The following DNAH5 variants were observed in gnomAD, a reference collection of about 807,000 sequenced individuals.
DNAH5 encodes dynein axonemal heavy chain 5, also known as axonemal beta dynein heavy chain 5.
A neutral mutation model predicts 518.2 loss-of-function variants in DNAH5; 372 were observed. The ratio of observed to expected loss-of-function variants is 0.72; its 90% confidence interval spans 0.66 to 0.78. The LOEUF is 0.78. Among genes scored for constraint, DNAH5 ranks in the 30% least tolerant of loss-of-function variants. The pLI is 0.00. For missense variants in DNAH5, 5,523 were observed against 5,687.0 expected (o/e 0.97, Z 0.93); for synonymous variants, 2,039 against 2,025.9 (o/e 1.01, Z -0.17).
chr5:13,889,276 AGAGG>A (rs1381558508), intron 17 of DNAH5, among the ~76,000 whole-genome samples: 1 of 152,184 alleles, frequency 6.6e-6, no homozygotes, highest in Non-Finnish European at 1.5e-5. Context: ...GTGATTTTTC[AGAGG>A]AAGAGATAGT....
rs1355788220 is a variant in DNAH5 at position 13,723,611 on chromosome 5, G to A, written c.12034-2366C>T. Among the ~76,000 whole-genome samples, 3 of 152,150 alleles carry A rather than the reference G, an allele frequency of 2.0e-5. 1 individual carries two copies. Among genetic ancestry groups the A allele is most frequent in the South Asian group, 4.1e-4 (2 of 4,824 alleles). ...ATCTCTATTGCAACTATTCAACTCCGCCATTGTTGCACAAAAGCAGTCATA... is the reference window on the plus strand; with the variant it reads ...ATCTCTATTGCAACTATTCAACTCCACCATTGTTGCACAAAAGCAGTCATA... On this transcript the variant is annotated intron_variant, in intron 70 of 78. Transcript: ENST00000265104.
At chr5:13,846,436 C>T (rs572278271) in intron 31 of DNAH5, among the ~76,000 whole-genome samples, 1 of 152,232 alleles carries the variant, frequency 6.6e-6, no homozygotes, top group East Asian at 1.9e-4. Context: ...TAGAGGATTA[C>T]TTGGATCAGA....
At position 13,737,161 on chromosome 5, in the gene DNAH5, T is replaced by C. The variant is rs1747610484; in HGVS notation, c.11455+91A>G. 9 of 1,573,472 alleles carry C rather than the reference T, an allele frequency of 5.7e-6. No homozygotes were observed. In the South Asian group the frequency reaches 7.8e-5, roughly 14 times the overall value. On this transcript the variant is annotated intron_variant, in intron 66 of 78. Transcript: ENST00000265104. Reference sequence around the variant, plus strand: ...CACCTCCACTTTGCATAATCATTTGTATAACTCCCTCACATCCTTCCATTT... The same window carrying C: ...CACCTCCACTTTGCATAATCATTTGCATAACTCCCTCACATCCTTCCATTT...
chr5:13,717,628 AC>A, intron 72 of DNAH5, 108 bp from the exon 73 acceptor site: 1 of 982,532 alleles, frequency 1.0e-6, no homozygotes, highest in East Asian at 2.6e-5. Context: ...AAATTCACTT[AC>A]TTTGGATTGT....
chr5:13,968,140 G>A (rs1781649207), intron 1 of DNAH5, among the ~76,000 whole-genome samples: 1 of 152,108 alleles, frequency 6.6e-6, no homozygotes, highest in Admixed American at 6.6e-5. Context: ...GTCACTGTTG[G>A]TGTATAGCAG....
intron 60 of DNAH5, among the ~76,000 whole-genome samples, 193 bp downstream of exon 60, chr5:13,762,529 T>C (rs767397134): frequency 5.3e-5 from 8 of 152,206 alleles, no homozygotes; most frequent in Non-Finnish European, 8.8e-5. Flanking sequence ...GAGGCTCATA[T>C]GGTTCTGATT....
rs1002095666 is a variant in DNAH5, at chr5:13,707,110, G to C, written c.13338+1013C>G. Reference sequence around the variant, plus strand: ...GTTGAGAGGAGTAGAAGCGCAGAAGGGCACACTGACAGACACCAGCATATA... The same window carrying C: ...GTTGAGAGGAGTAGAAGCGCAGAAGCGCACACTGACAGACACCAGCATATA... On this transcript the variant is annotated intron_variant, in intron 76 of 78. Transcript: ENST00000265104. The surrounding 1 kb of genome is among the most constrained non-coding windows in gnomAD (Gnocchi z 4.0). 6.6e-6 allele frequency among the ~76,000 whole-genome samples: 1 copy of C among 152,208 alleles called. No individual in the cohort carries two copies. Among genetic ancestry groups the C allele is most frequent in the Non-Finnish European group, 1.5e-5 (1 of 68,040 alleles).
At chr5:14,010,430 G>C (rs1005669078) in intron 1 of DNAH5, among the ~76,000 whole-genome samples, 4 of 152,050 alleles carry the variant, frequency 2.6e-5, no homozygotes, top group African/African-American at 9.7e-5. Flanking sequence ...TATCCTTAAA[G>C]GGGAAAACTT....
Position 13,700,862 on chromosome 5 carries a change from G to C in DNAH5, c.13501C>G (p.Arg4501Gly). 2.5e-6 allele frequency: 4 copies of C among 1,614,052 alleles called. No homozygotes were observed. Among genetic ancestry groups the C allele is most frequent in the Non-Finnish European group, 3.4e-6 (4 of 1,179,980 alleles). The stretch of plus-strand genomic sequence containing the variant: ...TCCAGAGCCCAGCCTTTGTTGGCCC[G>C]AGTTATTTCCTATTCAGGGCAGCAA... Reference protein sequence around the residue: ...FLTAMRQEITRANKGWALDNM... With the variant: ...FLTAMRQEITGANKGWALDNM... The change falls in exon 78 of 79, where the codon CGG becomes GGG. Residue 4501 changes from arginine (R) to glycine (G), a missense_variant. By Grantham distance (125) the Arg-to-Gly change is moderately radical. This residue lies in a region of DNAH5 where 387 missense variants were observed against 430.0 expected (regional missense o/e 0.90). Transcript: ENST00000265104.
At chr5:13,807,781 G>A in intron 46 of DNAH5, 56 bp from the exon 47 acceptor site, 1 of 1,470,782 alleles carries the variant, frequency 6.8e-7, no homozygotes, top group South Asian at 1.2e-5. Context: ...GTGATGGGCT[G>A]AATTTGTCCC....
chr5:13,799,162 A>G (rs1038639841), intron 47 of DNAH5, among the ~76,000 whole-genome samples: 7 of 152,070 alleles, frequency 4.6e-5, no homozygotes, highest in African/African-American at 1.4e-4. Context: ...TCAATTACAA[A>G]ACAAATCTCC....
intron 27 of DNAH5, 105 bp from the exon 28 acceptor site, chr5:13,864,742 C>G: frequency 8.0e-7 from 1 of 1,250,720 alleles, no homozygotes; most frequent in Non-Finnish European, 1.2e-6. Flanking sequence ...TCTTTGAATA[C>G]TTATCCTATT....
intron 11 of DNAH5, among the ~76,000 whole-genome samples, chr5:13,911,814 A>G (rs112040649): frequency 3.3e-5 from 5 of 152,316 alleles, no homozygotes; most frequent in African/African-American, 1.2e-4. Flanking sequence ...ATCTGAAATA[A>G]TTTTTAAAGC....
intron 7 of DNAH5, among the ~76,000 whole-genome samples, chr5:13,918,545 C>T (rs1276158656): frequency 6.6e-6 from 1 of 152,198 alleles, no homozygotes; most frequent in Non-Finnish European, 1.5e-5. Context: ...CCTCGGCTCA[C>T]TGCAAACCTC....
In DNAH5 at chr5:13,809,170, C is replaced by G. The variant is rs751838430; in HGVS notation, c.7626G>C (p.Trp2542Cys). The G allele has an allele frequency of 1.2e-6, 2 of 1,614,116 alleles. No individual in the cohort carries two copies. The highest frequency in any genetic ancestry group is 1.1e-5 in the South Asian group (1 of 91,082). ...ACAGGTATTCCTGGGTACGCGTGTT[C>G]CAGTGCGTCCATGTACCTAAGGTGA... Reference protein sequence around the residue: ...YVAPDGTWTHWNTRTQEYLYP... With the variant: ...YVAPDGTWTHCNTRTQEYLYP... Residue 2542 changes from tryptophan to cysteine, a missense_variant, in exon 46 of 79, where the codon TGG (tryptophan) becomes TGC (cysteine). Trp to Cys is a radical substitution (Grantham distance 215). Transcript: ENST00000265104.
Position 13,788,974 on chromosome 5 carries a change from A to C in DNAH5, c.8449-60T>G. On this transcript the variant is annotated intron_variant, in intron 50 of 78. Coordinates refer to ENST00000265104, the MANE Select transcript of DNAH5 (RefSeq NM_001369.3). ...CCTGTTATGCCGTAATTGGGAATTCAGGTTGACAGTACTGTAGAGTATTAT... is the reference window on the plus strand; with the variant it reads ...CCTGTTATGCCGTAATTGGGAATTCCGGTTGACAGTACTGTAGAGTATTAT... The C allele has an allele frequency of 2.1e-6, 3 of 1,463,390 alleles. No homozygotes were observed. The South Asian group carries it at 3.4e-5, about 17-fold the overall frequency. 90.7% of individuals were successfully genotyped at this position (1,463,390 alleles called of 1,614,324 possible).
intron 1 of DNAH5, among the ~76,000 whole-genome samples, chr5:13,979,831 A>C (rs1245943912): frequency 6.9e-6 from 1 of 144,184 alleles, no homozygotes; most frequent in Non-Finnish European, 1.5e-5. Flanking sequence ...CATTTGGCAA[A>C]GTTTTTTGGG....
At chr5:13,786,988 G>A (rs1368143771) in intron 51 of DNAH5, among the ~76,000 whole-genome samples, 1 of 152,110 alleles carries the variant, frequency 6.6e-6, no homozygotes, top group Non-Finnish European at 1.5e-5. Context: ...CAGAGGCCAA[G>A]GTGGGCAGAT....
At chr5:13,963,117 A>G (rs1781294862) in intron 1 of DNAH5, among the ~76,000 whole-genome samples, 1 of 152,110 alleles carries the variant, frequency 6.6e-6, no homozygotes, top group Non-Finnish European at 1.5e-5. Flanking sequence ...GATGTGAGAC[A>G]AAGTAACAAT....
Sources: allele counts gnomAD v4.1 joint callset (sites outside exome capture counted in the v4.1 genomes callset), GRCh38; gene constraint gnomAD v4.1.1; regional missense constraint gnomAD v4.1.1; non-coding constraint Gnocchi (gnomAD v3.1); transcripts MANE v1.5; gene names NCBI Gene and HGNC (gene_info 2026-07-23, HGNC 2026-07-21).